Variants in DAPK2 observed in about 807,000 individuals in gnomAD.
DAPK2 encodes the protein death associated protein kinase 2.
In DAPK2, 35 loss-of-function variants were observed where a neutral mutation model predicts 44.1. The ratio of observed to expected loss-of-function variants is 0.79; its 90% CI spans 0.61 to 1.05. The LOEUF is 1.05. Ranked by LOEUF, DAPK2 falls within the 50% of genes least tolerant of loss-of-function variation. The probability of loss-of-function intolerance (pLI) is 0.00; values close to 1 mark genes in which losing one functional copy is unlikely to be tolerated. For missense variants in DAPK2, 453 were observed against 483.2 expected (o/e 0.94, Z 0.59); for synonymous variants, 174 against 182.6 (o/e 0.95, Z 0.38).
Position 63,923,106 on chromosome 15 carries a change from T to C in DAPK2, c.858+1710A>G. ...TACCAAGCTTCCTTCTCATTGAAGATGGAGACCAGGGCCTCCACATCGTCC... is the reference window on the plus strand; with the variant it reads ...TACCAAGCTTCCTTCTCATTGAAGACGGAGACCAGGGCCTCCACATCGTCC... On this transcript the variant is annotated intron_variant, in intron 8 of 10. Coordinates refer to ENST00000261891, the Ensembl canonical transcript of DAPK2. This position sits in a 1 kb window ranked among gnomAD's most constrained non-coding sequence, Gnocchi z 4.2. 2.6e-6 allele frequency: 4 copies of C among 1,535,902 alleles called. No individual in the cohort carries two copies. The highest frequency in any genetic ancestry group is 2.6e-6 in the Non-Finnish European group (3 of 1,146,740).
intron 1 of DAPK2, among the ~76,000 whole-genome samples, chr15:63,989,188 CAAAAAAAAA>C (rs55972299): frequency 1.8e-5 from 2 of 109,822 alleles, no homozygotes; most frequent in Non-Finnish European, 1.8e-5. Flanking sequence ...ACTTTGTCTC[CAAAAAAAAA>C]AAAAAAAAAA....
chr15:64,040,731 T>C (rs1231239552), upstream of DAPK2, among the ~76,000 whole-genome samples: 3 of 151,632 alleles, frequency 2.0e-5, no homozygotes, highest in Non-Finnish European at 4.4e-5. Flanking sequence ...GCCAACATGG[T>C]GAAACTCCAT....
intron 1 of DAPK2, among the ~76,000 whole-genome samples, chr15:64,007,402 T>C (rs1416662402): frequency 2.6e-5 from 4 of 152,004 alleles, no homozygotes; most frequent in African/African-American, 4.8e-5. Flanking sequence ...TCCCCTATCA[T>C]GGCAATCTGT....
chr15:64,016,816 GGGAAGGGGAAGGAAGGAAGGAGGGAA>G (rs1260474872), intron 1 of DAPK2, among the ~76,000 whole-genome samples: 1 of 139,866 alleles, frequency 7.1e-6, no homozygotes, highest in Non-Finnish European at 1.5e-5. Context: ...GAAGGGGAAG[GGGAAGGGGAAGGAAGGAAGGAGGGAA>G]GGAAGGAAGG....
At chr15:63,951,157 C>A (rs1007417858) in intron 3 of DAPK2, among the ~76,000 whole-genome samples, 4 of 152,150 alleles carry the variant, frequency 2.6e-5, no homozygotes, top group African/African-American at 7.2e-5. Context: ...AAAACTTCAC[C>A]TTCCATTTCT....
chr15:63,945,617 G>A (rs141614741), intron 3 of DAPK2, among the ~76,000 whole-genome samples: 41 of 152,262 alleles, frequency 2.7e-4, no homozygotes, highest in African/African-American at 9.9e-4. Flanking sequence ...AATAGAGCAG[G>A]GTGGTGCAAA....
chr15:64,036,331 A>G (rs1272059721), intron 1 of DAPK2, among the ~76,000 whole-genome samples: 1 of 124,500 alleles, frequency 8.0e-6, no homozygotes, highest in African/African-American at 2.7e-5. Flanking sequence ...ATATATATAT[A>G]TATATACATA....
chr15:64,033,267 G>C, intron 1 of DAPK2, among the ~76,000 whole-genome samples: 1 of 90,032 alleles, frequency 1.1e-5, no homozygotes, highest in East Asian at 2.8e-4. Context: ...GAGGGGGAGG[G>C]GGAGGGGGAA....
chr15:63,919,207 G>A (rs1259049753), intron 8 of DAPK2: 1 of 152,166 alleles, frequency 6.6e-6, no homozygotes, highest in East Asian at 1.9e-4. Context: ...TCTTTCATTT[G>A]TCTTTAGAAG....
intron 3 of DAPK2, among the ~76,000 whole-genome samples, chr15:63,950,590 A>AT (rs1306715532): frequency 6.6e-6 from 1 of 152,130 alleles, no homozygotes; most frequent in Non-Finnish European, 1.5e-5. Context: ...TATTTTTTTT[A>AT]TTTTTTATTT....
At chr15:64,011,527 A>C (rs1390646243) in intron 1 of DAPK2, among the ~76,000 whole-genome samples, 1 of 152,140 alleles carries the variant, frequency 6.6e-6, no homozygotes, top group Non-Finnish European at 1.5e-5. Flanking sequence ...AAAACACTCA[A>C]GTGTTTGTGG....
At chr15:63,959,076 T>C (rs975616361) in intron 3 of DAPK2, among the ~76,000 whole-genome samples, 3 of 152,196 alleles carry the variant, frequency 2.0e-5, no homozygotes, top group African/African-American at 7.2e-5. Flanking sequence ...TCACATCCCT[T>C]GTAAGTTGGA....
At chr15:64,044,707 A>G (rs2080421092), upstream of DAPK2, among the ~76,000 whole-genome samples, 1 of 152,162 alleles carries the variant, frequency 6.6e-6, no homozygotes, top group African/African-American at 2.4e-5. Flanking sequence ...ATCACCTCAT[A>G]GGAAACTCTC....
intron 1 of DAPK2, among the ~76,000 whole-genome samples, chr15:63,996,667 G>T (rs990695768): frequency 6.6e-6 from 1 of 152,106 alleles, no homozygotes; most frequent in African/African-American, 2.4e-5. Flanking sequence ...TTCACTCCAG[G>T]ACACGAGCAT....
rs2078785400 is a variant in DAPK2 at position 63,990,393 on chromosome 15, A to C, written c.93-6639T>G. ...CAGTGAGCTGAGATCGCACCGCTGCACTCCAGCCTGGGTGACAGAGCAAGA... is the reference window on the plus strand; with the variant it reads ...CAGTGAGCTGAGATCGCACCGCTGCCCTCCAGCCTGGGTGACAGAGCAAGA... On this transcript the variant is annotated intron_variant, in intron 1 of 10. Transcript: ENST00000261891. This position sits in a 1 kb window ranked among gnomAD's most constrained non-coding sequence, Gnocchi z 4.3. Among the ~76,000 whole-genome samples, 1 of 150,846 alleles carries C rather than the reference A, an allele frequency of 6.6e-6. No homozygotes were observed.
At chr15:64,035,846 G>C (rs1246423508) in intron 1 of DAPK2, among the ~76,000 whole-genome samples, 1 of 152,180 alleles carries the variant, frequency 6.6e-6, no homozygotes, top group Admixed American at 6.5e-5. Context: ...GGCAAAATAT[G>C]CAGGGCCAGG....
rs1417187090 is a variant in DAPK2, at chr15:64,046,287, G to C, written c.-7+11C>G. ...TCCCGCCCATCGAGCCCGCAGACGG[G>C]TGCTACTCACGGCGGGAGGCTGAGC... On this transcript the variant is annotated intron_variant, in intron 1 of 11. Transcript: ENST00000457488. The surrounding 1 kb of genome is among the most constrained non-coding windows in gnomAD (Gnocchi z 5.3). 1 of 982,596 alleles carries C rather than the reference G, an allele frequency of 1.0e-6. No homozygotes were observed. Among genetic ancestry groups the C allele is most frequent in the Non-Finnish European group, 1.2e-6 (1 of 828,176 alleles). The allele number at this position is 982,596 out of a possible 1,614,324, so 60.9% of individuals were successfully genotyped here.
chr15:63,923,266 G>A lies in DAPK2; in HGVS notation c.858+1550C>T, dbSNP rs1358847942. On this transcript the variant is annotated intron_variant, in intron 8 of 10. Coordinates refer to ENST00000261891, the Ensembl canonical transcript of DAPK2. The surrounding 1 kb of genome is among the most constrained non-coding windows in gnomAD (Gnocchi z 4.2). ...GCATGCTTGAGTGGCATTTGAGAGT[G>A]TACTCTCTCAGGTGCTTGGTCTTCA... 5.9e-6 allele frequency: 9 copies of A among 1,535,834 alleles called. No individual in the cohort carries two copies. Among genetic ancestry groups the A allele is most frequent in the East Asian group, 4.9e-5 (2 of 40,930 alleles).
chr15:63,950,399 T>G (rs796455421), intron 3 of DAPK2, among the ~76,000 whole-genome samples: 5 of 152,060 alleles, frequency 3.3e-5, no homozygotes, highest in African/African-American at 1.2e-4. Context: ...AACATTTTTT[T>G]TTTTTGTAGA....
Sources: allele counts gnomAD v4.1 joint callset (sites outside exome capture counted in the v4.1 genomes callset), GRCh38; gene constraint gnomAD v4.1.1; non-coding constraint Gnocchi (gnomAD v3.1); transcripts MANE v1.5; gene names NCBI Gene and HGNC (gene_info 2026-07-23, HGNC 2026-07-21).